TTLL5: variants seen among roughly 807,000 people sequenced by gnomAD.
TTLL5 encodes tubulin tyrosine ligase like 5, also known as tubulin polyglutamylase TTLL5.
In TTLL5, 132 loss-of-function variants were observed where a neutral mutation model predicts 168.4. That is an observed-to-expected ratio of 0.78 (90% CI 0.68 to 0.91). The LOEUF (loss-of-function observed/expected upper bound fraction) is 0.91. TTLL5 is among the 40% of genes least tolerant of loss of function. The pLI is 0.00. For synonymous variants in TTLL5, 546 were observed against 558.6 expected (o/e 0.98, Z 0.32); for missense variants, 1,545 against 1,581.5 (o/e 0.98, Z 0.39).
chr14:75,664,035 G>A (rs1278368702), intron 2 of TTLL5, among the ~76,000 whole-genome samples: 2 of 149,660 alleles, frequency 1.3e-5, no homozygotes, highest in African/African-American at 4.9e-5. Flanking sequence ...AGTGAGCTGA[G>A]ATCTCACCAT....
At chr14:75,899,610 A>T (rs1282865333) in intron 30 of TTLL5, among the ~76,000 whole-genome samples, 2 of 152,222 alleles carry the variant, frequency 1.3e-5, no homozygotes, top group East Asian at 3.8e-4. Flanking sequence ...AAGCAGTAGA[A>T]TCATTAGAAG....
At chr14:75,903,427 C>T (rs1176376437) in intron 31 of TTLL5, among the ~76,000 whole-genome samples, 2 of 151,820 alleles carry the variant, frequency 1.3e-5, no homozygotes, top group African/African-American at 4.8e-5. Context: ...GGGACTGGGG[C>T]ATGAGCAGGG....
At chr14:75,841,268 T>A (rs528287820) in intron 28 of TTLL5, among the ~76,000 whole-genome samples, 2 of 152,318 alleles carry the variant, frequency 1.3e-5, no homozygotes, top group South Asian at 4.1e-4. Context: ...TTTTTGGATT[T>A]TAGGTTTAGA....
chr14:75,774,111 A>C (rs1566598402), intron 21 of TTLL5, among the ~76,000 whole-genome samples: 1 of 151,750 alleles, frequency 6.6e-6, no homozygotes, highest in South Asian at 2.1e-4. Context: ...GAGATTCCTT[A>C]TCTCATAACT....
chr14:75,840,268 T>G (rs1896146457), intron 28 of TTLL5, among the ~76,000 whole-genome samples: 1 of 152,210 alleles, frequency 6.6e-6, no homozygotes, highest in Non-Finnish European at 1.5e-5. Context: ...GGGATACATA[T>G]GCAGAACGTG....
chr14:75,914,052 A>ATATATATATATATATATATATATG lies in TTLL5; in HGVS notation c.3823+11831_3823+11832insATATATATATATATATATATGTAT, dbSNP rs1304496430. On this transcript the variant is annotated intron_variant, in intron 31 of 31. Transcript: ENST00000298832. ...AAAAAAAATATATATATATATATAT[A>ATATATATATATATATATATATATG]TATTTTATCCCCTAAGGGCCCAGTT... Among the ~76,000 whole-genome samples the ATATATATATATATATATATATATG allele has an allele frequency of 3.3e-5, 4 of 122,380 alleles. No homozygotes were observed. In the East Asian group the frequency reaches 1.0e-3, roughly 32 times the overall value. 80.3% of individuals were successfully genotyped at this position (122,380 alleles called of 152,430 possible). A position where few individuals can be genotyped will look rare whatever the true frequency, so the allele number is the denominator to read the frequency against.
Position 75,749,341 on chromosome 14 carries a change from C to G in TTLL5, c.1488-3552C>G, listed in dbSNP as rs900397362. On this transcript the variant is annotated intron_variant, in intron 17 of 31. Coordinates refer to ENST00000298832, the MANE Select transcript of TTLL5 (RefSeq NM_015072.5). ...AAGGAAGTCCAACAATGATACCTTTCTTTACTAGGTTGGTTTTGAACTAGT... is the reference window on the plus strand; with the variant it reads ...AAGGAAGTCCAACAATGATACCTTTGTTTACTAGGTTGGTTTTGAACTAGT... 2.6e-5 allele frequency among the ~76,000 whole-genome samples: 4 copies of G among 152,102 alleles called. No individual in the cohort carries two copies. In the East Asian group the frequency reaches 7.7e-4, roughly 29 times the overall value.
intron 31 of TTLL5, among the ~76,000 whole-genome samples, chr14:75,917,824 G>A (rs1319775474): frequency 4.6e-5 from 7 of 152,338 alleles, no homozygotes; most frequent in African/African-American, 7.2e-5. Context: ...GGGAAAAGCC[G>A]AGAGGGCTTG....
At chr14:75,669,595 T>C (rs188158310) in intron 3 of TTLL5, 73 bp downstream of exon 3, 3 of 1,323,976 alleles carry the variant, frequency 2.3e-6, no homozygotes, top group African/African-American at 2.9e-5. Flanking sequence ...GAAGTTGATA[T>C]GACATATATA....
chr14:75,751,056 T>G (rs1040655833), intron 17 of TTLL5, among the ~76,000 whole-genome samples: 27 of 152,172 alleles, frequency 1.8e-4, no homozygotes, highest in African/African-American at 6.5e-4. Flanking sequence ...TTGGTGTCAC[T>G]CATTTCAGAT....
At chr14:75,890,968 C>A (rs1282388136) in intron 30 of TTLL5, among the ~76,000 whole-genome samples, 1 of 152,208 alleles carries the variant, frequency 6.6e-6, no homozygotes, top group African/African-American at 2.4e-5. Flanking sequence ...ACCTGCCCAC[C>A]TCAGCCTCCC....
intron 31 of TTLL5, among the ~76,000 whole-genome samples, chr14:75,928,342 C>T (rs868413051): frequency 2.3e-4 from 19 of 81,996 alleles, no homozygotes; most frequent in East Asian, 4.1e-4. Flanking sequence ...ATGACAAAAA[C>T]ATATATATAT....
At chr14:75,853,613 T>A (rs1353935728) in intron 28 of TTLL5, among the ~76,000 whole-genome samples, 1 of 152,240 alleles carries the variant, frequency 6.6e-6, no homozygotes, top group Non-Finnish European at 1.5e-5. Flanking sequence ...AAAAAGTTAT[T>A]TTATAGCTAA....
chr14:75,713,449 G>A (rs1355511394), intron 9 of TTLL5, among the ~76,000 whole-genome samples: 2 of 152,130 alleles, frequency 1.3e-5, no homozygotes, highest in African/African-American at 2.4e-5. Flanking sequence ...TTCACACAAC[G>A]ATGAAATTGG....
At chr14:75,725,328 T>C (rs1888125177) in intron 12 of TTLL5, among the ~76,000 whole-genome samples, 1 of 152,228 alleles carries the variant, frequency 6.6e-6, no homozygotes, top group South Asian at 2.1e-4. Context: ...CTCTTCACTT[T>C]TTGAGATAAT....
At chr14:75,816,971 C>CTTTT (rs1388428211) in intron 27 of TTLL5, among the ~76,000 whole-genome samples, 5 of 101,550 alleles carry the variant, frequency 4.9e-5, no homozygotes, top group African/African-American at 1.8e-4. Context: ...TCTTCCCTGT[C>CTTTT]TTATTTTTTT....
intron 29 of TTLL5, among the ~76,000 whole-genome samples, chr14:75,872,730 A>G (rs980551261): frequency 2.6e-5 from 4 of 151,912 alleles, no homozygotes; most frequent in African/African-American, 9.7e-5. Context: ...ACCACCGTGG[A>G]GAAACCCCAT....
At chr14:75,747,998 T>A (rs994162057) in intron 17 of TTLL5, among the ~76,000 whole-genome samples, 3 of 152,222 alleles carry the variant, frequency 2.0e-5, no homozygotes, top group Non-Finnish European at 4.4e-5. Context: ...CTCTTGTCTC[T>A]TTTCAGAGAC....
At chr14:75,891,811 T>G (rs1203079040) in intron 30 of TTLL5, among the ~76,000 whole-genome samples, 2 of 152,248 alleles carry the variant, frequency 1.3e-5, no homozygotes, top group African/African-American at 4.8e-5. Flanking sequence ...TTCTGGTTCC[T>G]TGGCTTAACT....
Sources: gnomAD v4.1 joint callset for allele counts (sites outside exome capture counted in the v4.1 genomes callset) on GRCh38, gnomAD v4.1.1 for gene constraint, MANE v1.5 for transcripts, NCBI Gene and HGNC (gene_info 2026-07-23, HGNC 2026-07-21) for gene names.